Variants in PIK3CB observed in about 807,000 individuals in gnomAD.
The protein encoded by PIK3CB is phosphatidylinositol 4,5-bisphosphate 3-kinase catalytic subunit beta isoform.
In PIK3CB, 39 loss-of-function variants were observed where a neutral mutation model predicts 136.8. The observed-to-expected ratio is 0.29, with a 90% CI of 0.22 to 0.37. The LOEUF (loss-of-function observed/expected upper bound fraction) is 0.37. PIK3CB is among the 10% of genes least tolerant of loss of function. The probability of loss-of-function intolerance (pLI) is 1.00; values close to 1 mark genes in which losing one functional copy is unlikely to be tolerated. For synonymous variants in PIK3CB, 428 were observed against 436.6 expected (o/e 0.98, Z 0.25); for missense variants, 868 against 1,275.4 (o/e 0.68, Z 4.87).
chr3:138,697,005 A>G (rs1047301604), intron 13 of PIK3CB, among the ~76,000 whole-genome samples: 17 of 152,242 alleles, frequency 1.1e-4, no homozygotes, highest in African/African-American at 3.6e-4. Flanking sequence ...TGACTTTGGT[A>G]AGATTATTTA....
At chr3:138,761,491 G>A (rs1418532364) in intron 2 of PIK3CB, among the ~76,000 whole-genome samples, 1 of 152,222 alleles carries the variant, frequency 6.6e-6, no homozygotes, top group Non-Finnish European at 1.5e-5. Flanking sequence ...AACTATCTTA[G>A]CCAGGCACTG....
intron 16 of PIK3CB, among the ~76,000 whole-genome samples, chr3:138,685,557 T>C (rs1184369116): frequency 4.6e-5 from 7 of 152,076 alleles, no homozygotes; most frequent in African/African-American, 1.4e-4. Context: ...GAAAAACCTA[T>C]GTAGAAGTAA....
rs1219491121 is a variant in PIK3CB at position 138,755,831 on chromosome 3, G to C, written c.320C>G (p.Pro107Arg). ...ACTTCTTGTCACTAATTTGAGAACTGGAAGAAAAGGTCTGACATCACAGAG... is the reference window on the plus strand; with the variant it reads ...ACTTCTTGTCACTAATTTGAGAACTCGAAGAAAAGGTCTGACATCACAGAG... ...RRLCDVRPFL[P>R]VLKLVTRSCD... The change falls in exon 4 of 24, where the codon CCA becomes CGA. Residue 107 changes from proline to arginine, a missense_variant. This residue lies in a region of PIK3CB where 612 missense variants were observed against 801.1 expected (regional missense o/e 0.76). Coordinates refer to ENST00000674063, the MANE Select transcript of PIK3CB (RefSeq NM_006219.3). 1 of 1,613,058 alleles carries C rather than the reference G, an allele frequency of 6.2e-7. No individual in the cohort carries two copies. The highest frequency in any genetic ancestry group is 8.5e-7 in the Non-Finnish European group (1 of 1,179,362).
intron 1 of PIK3CB, among the ~76,000 whole-genome samples, chr3:138,828,837 G>A (rs775321272): frequency 3.3e-5 from 5 of 151,844 alleles, no homozygotes; most frequent in Admixed American, 6.6e-5. Flanking sequence ...TGCCCAAGCT[G>A]GAGTGCAATG....
chr3:138,723,184 C>A (rs1474599023), intron 8 of PIK3CB, among the ~76,000 whole-genome samples: 1 of 151,916 alleles, frequency 6.6e-6, no homozygotes, highest in African/African-American at 2.4e-5. Flanking sequence ...AAAAATTGTC[C>A]CATTTCCTGA....
chr3:138,745,957 T>C (rs75086297), intron 4 of PIK3CB, among the ~76,000 whole-genome samples: 4,717 of 152,134 alleles, frequency 0.031, 248 homozygotes, highest in African/African-American at 0.11. Context: ...CATTAAAAAC[T>C]TGTTCAGGGT....
chr3:138,749,885 T>C (rs569394885), intron 4 of PIK3CB, among the ~76,000 whole-genome samples: 21 of 151,882 alleles, frequency 1.4e-4, no homozygotes, highest in Non-Finnish European at 2.5e-4. Flanking sequence ...AGTTTTTTTG[T>C]TTGTTTGAGA....
chr3:138,791,701 T>C (rs976076282), intron 2 of PIK3CB, among the ~76,000 whole-genome samples: 2 of 152,140 alleles, frequency 1.3e-5, no homozygotes, highest in Non-Finnish European at 2.9e-5. Flanking sequence ...TTCAAACACT[T>C]TGTATTTAAG....
intron 3 of PIK3CB, 71 bp from the exon 4 acceptor site, chr3:138,756,050 C>T: frequency 1.5e-6 from 1 of 652,882 alleles, no homozygotes; most frequent in East Asian, 2.7e-5. Flanking sequence ...TAAGGATGCT[C>T]ACTGCAGCAC....
intron 19 of PIK3CB, among the ~76,000 whole-genome samples, chr3:138,670,320 T>C (rs2043508056): frequency 6.6e-6 from 1 of 152,232 alleles, no homozygotes. Context: ...GGCCTGAATC[T>C]ACTAATTAGC....
chr3:138,692,565 TATAA>T (rs1180401221), intron 14 of PIK3CB, among the ~76,000 whole-genome samples: 3 of 152,206 alleles, frequency 2.0e-5, no homozygotes, highest in East Asian at 1.9e-4. Context: ...CTATATAACC[TATAA>T]ATAGTGTAAA....
intron 4 of PIK3CB, among the ~76,000 whole-genome samples, chr3:138,754,820 A>G (rs2045535639): frequency 6.6e-6 from 1 of 152,170 alleles, no homozygotes. Context: ...AGTGAATCTG[A>G]TCAATACAGG....
At chr3:138,658,830 C>T (rs576872961) in intron 21 of PIK3CB, among the ~76,000 whole-genome samples, 1 of 152,212 alleles carries the variant, frequency 6.6e-6, no homozygotes, top group Admixed American at 6.5e-5. Context: ...TTAATTCTTC[C>T]CAAACTCTCC....
chr3:138,831,239 C>A (rs191865770), intron 1 of PIK3CB, among the ~76,000 whole-genome samples: 10 of 145,186 alleles, frequency 6.9e-5, no homozygotes, highest in Non-Finnish European at 6.1e-5. Flanking sequence ...GGCTGGGCAA[C>A]AGAGTGAGAC....
In PIK3CB at chr3:138,688,950, G is replaced by C; in HGVS notation, c.2061C>G (p.Val687=). 1.2e-6 allele frequency: 2 copies of C among 1,613,444 alleles called. No homozygotes were observed. Among genetic ancestry groups the C allele is most frequent in the Non-Finnish European group, 1.7e-6 (2 of 1,179,380 alleles). ...HLRSEVHIPA[V]SVQFGVILEA... Reference sequence around the variant, plus strand: ...CAAGGATGACACCAAATTGTACTGAGACAGCAGGAATGTGCACTTCTGACC... The same window carrying C: ...CAAGGATGACACCAAATTGTACTGACACAGCAGGAATGTGCACTTCTGACC... Residue 687 remains valine, a synonymous_variant, in exon 16 of 24, where the codon GTC becomes GTG. Coordinates refer to ENST00000674063, the MANE Select transcript of PIK3CB (RefSeq NM_006219.3).
intron 1 of PIK3CB, chr3:138,825,579 G>A: frequency 1.6e-6 from 1 of 631,502 alleles, no homozygotes; most frequent in East Asian, 2.6e-5. Flanking sequence ...CTTGGTTCAT[G>A]GGATAGAAAG....
intron 19 of PIK3CB, among the ~76,000 whole-genome samples, chr3:138,673,262 G>A (rs1243380355): frequency 6.6e-6 from 1 of 152,000 alleles, no homozygotes. Context: ...TGAAGGAAAT[G>A]TTCAAAGTTT....
intron 14 of PIK3CB, among the ~76,000 whole-genome samples, chr3:138,693,966 TTA>T (rs1290359773): frequency 0.04 from 1,696 of 42,162 alleles, 46 homozygotes; most frequent in Middle Eastern, 0.087. Context: ...TATATATATA[TTA>T]TATATATATA....
intron 4 of PIK3CB, among the ~76,000 whole-genome samples, chr3:138,743,658 G>A (rs957029555): frequency 6.6e-6 from 1 of 152,082 alleles, no homozygotes; most frequent in African/African-American, 2.4e-5. Context: ...CATCTCCTGG[G>A]CTCAAGCGAT....
Sources: allele counts gnomAD v4.1 joint callset (sites outside exome capture counted in the v4.1 genomes callset), GRCh38; gene constraint gnomAD v4.1.1; regional missense constraint gnomAD v4.1.1; transcripts MANE v1.5; gene names NCBI Gene and HGNC (gene_info 2026-07-23, HGNC 2026-07-21).